CYP2A13: variants seen among roughly 807,000 people sequenced by gnomAD.
CYP2A13 encodes the protein cytochrome P450 2A13.
CYP2A13 carries 30 observed loss-of-function variants against 39.4 expected under a neutral mutation model. That is an observed-to-expected ratio of 0.76 (90% CI 0.57 to 1.03). The LOEUF (loss-of-function observed/expected upper bound fraction) is 1.03, where lower values mean the gene tolerates loss of function less well. Ranked by LOEUF, CYP2A13 falls within the 50% of genes least tolerant of loss-of-function variation. The probability of loss-of-function intolerance (pLI) is 0.00; values close to 1 mark genes in which losing one functional copy is unlikely to be tolerated. For missense variants in CYP2A13, 731 were observed against 648.4 expected (o/e 1.13, Z -1.38); for synonymous variants, 269 against 254.7 (o/e 1.06, Z -0.54).
chr19:41,094,876 C>A (rs1568368266), intron 7 of CYP2A13, 83 bp from the exon 8 acceptor site: 3 of 1,541,172 alleles, frequency 1.9e-6, no homozygotes, highest in South Asian at 2.4e-5. Context: ...CCTGGGGCAC[C>A]CTAGTTCCCC....
At chr19:41,095,503 G>A (rs2031284647) in intron 8 of CYP2A13, among the ~76,000 whole-genome samples, 1 of 152,132 alleles carries the variant, frequency 6.6e-6, no homozygotes, top group Non-Finnish European at 1.5e-5. Flanking sequence ...AAAACCCATA[G>A]AACTGTATAA....
At chr19:41,088,775 T>A in intron 1 of CYP2A13, 124 bp downstream of exon 1, 1 of 1,534,800 alleles carries the variant, frequency 6.5e-7, no homozygotes, top group Non-Finnish European at 8.8e-7. Flanking sequence ...AGTTTCAGCA[T>A]CAGGGTCCTA....
Position 41,088,589 on chromosome 19 carries a change from T to C in CYP2A13, c.118T>C (p.Leu40=), listed in dbSNP as rs111464580. 2 of 1,613,832 alleles carry C rather than the reference T, an allele frequency of 1.2e-6. No individual in the cohort carries two copies. Among genetic ancestry groups the C allele is most frequent in the African/African-American group, 1.3e-5 (1 of 74,898 alleles). Residue 40 remains leucine, a synonymous_variant, in exon 1 of 9, where the codon TTG becomes CTG. Transcript: ENST00000330436. ...GAAGCTGCCTCCGGGACCCACCCCA[T>C]TGCCCTTCATTGGAAACTACCTGCA... ...RGKLPPGPTP[L]PFIGNYLQLN... is the part of the protein sequence containing the mutation.
rs2031167151 is a variant in CYP2A13, at chr19:41,090,542, T to C, written c.632T>C (p.Phe211Ser). The C allele has an allele frequency of 6.2e-7, 1 of 1,613,972 alleles. No individual in the cohort carries two copies. The highest frequency in any genetic ancestry group is 1.3e-5 in the African/African-American group (1 of 74,898). ...CGCATGATGCTGGGAAGCTTCCAGTTCACGGCAACCTCCACGGGGCAGGTA... is the reference window on the plus strand; with the variant it reads ...CGCATGATGCTGGGAAGCTTCCAGTCCACGGCAACCTCCACGGGGCAGGTA... ...LLRMMLGSFQ[F>S]TATSTGQLYE... Residue 211 changes from phenylalanine to serine, a missense_variant, in exon 4 of 9, where the codon TTC becomes TCC. Transcript: ENST00000330436.
In CYP2A13 at chr19:41,090,450, T is replaced by G. The variant is rs2031163697; in HGVS notation, c.540T>G (p.Asn180Lys). The change falls in exon 4 of 9, where the codon AAT becomes AAG. Residue 180 changes from asparagine (N) to lysine (K), a missense_variant. Transcript: ENST00000330436. ...PTFFLSRTVS[N>K]VISSIVFGDR... ...TCTTCCTGAGCCGCACAGTCTCCAA[T>G]GTCATCAGCTCCATTGTCTTTGGGG... The G allele has an allele frequency of 6.2e-7, 1 of 1,614,032 alleles. No individual in the cohort carries two copies. Among genetic ancestry groups the G allele is most frequent in the African/African-American group, 1.3e-5 (1 of 74,914 alleles).
At chr19:41,094,187 A>G (rs549721420) in intron 6 of CYP2A13, 58 bp from the exon 7 acceptor site, 9 of 1,592,984 alleles carry the variant, frequency 5.6e-6, no homozygotes, top group Non-Finnish European at 7.7e-6. Context: ...ACCTATTCGG[A>G]CTATCATCCC....
chr19:41,092,421 G>A (rs545091111), intron 5 of CYP2A13, among the ~76,000 whole-genome samples: 1 of 150,604 alleles, frequency 6.6e-6, no homozygotes, highest in Non-Finnish European at 1.5e-5. Context: ...TTATGCACGT[G>A]CATTAGAATA....
rs374200152 is a variant in CYP2A13 at position 41,095,952 on chromosome 19, T to C, written c.*11T>C. 2.2e-6 allele frequency: 3 copies of C among 1,384,810 alleles called. No homozygotes were observed. The highest frequency in any genetic ancestry group is 9.6e-7 in the Non-Finnish European group (1 of 1,040,412). The allele number at this position is 1,384,810 out of a possible 1,614,324, so 85.8% of individuals were successfully genotyped here. A position where few individuals can be genotyped will look rare whatever the true frequency, so the allele number is the denominator to read the frequency against. On this transcript the variant is annotated 3_prime_UTR_variant, in exon 9 of 9. Coordinates refer to ENST00000330436, the MANE Select transcript of CYP2A13 (RefSeq NM_000766.5). ...TTCCTGCCCCGCTGAGCGAGGGCTG[T>C]GCTGGTGCAGGGCTGGTGGGCGGGG... is the stretch of plus-strand genomic sequence containing the variant.
chr19:41,095,538 TA>T (rs2031285104), intron 8 of CYP2A13, among the ~76,000 whole-genome samples: 1 of 152,146 alleles, frequency 6.6e-6, no homozygotes, highest in East Asian at 1.9e-4. Flanking sequence ...TAATGTAAAC[TA>T]TGGACTTTGG....
intron 4 of CYP2A13, among the ~76,000 whole-genome samples, chr19:41,091,411 C>G (rs1179676988): frequency 2.6e-5 from 4 of 152,200 alleles, no homozygotes; most frequent in Non-Finnish European, 4.4e-5. Context: ...AGCTAAACAC[C>G]TGGACAGGTG....
At position 41,089,314 on chromosome 19, in the gene CYP2A13, C is replaced by T. The variant is rs533982729; in HGVS notation, c.343+223C>T. ...CCTGCCTCTCTCTGCCCCGTCTCCT[C>T]CTTCTCTCTCACTGGAGTCTCCTCT... On this transcript the variant is annotated intron_variant, in intron 2 of 8. Coordinates refer to ENST00000330436, the MANE Select transcript of CYP2A13 (RefSeq NM_000766.5). 7.5e-3 allele frequency among the ~76,000 whole-genome samples: 1,138 copies of T among 152,170 alleles called. 7 individuals carry two copies. The highest frequency in any genetic ancestry group is 0.016 in the Admixed American group (237 of 15,274).
At position 41,093,703 on chromosome 19, in the gene CYP2A13, G is replaced by A. The variant is rs201712585; in HGVS notation, c.905G>A (p.Gly302Asp). ...ACCACCCTGAACCTCTTCTTTGCGG[G>A]CACTGAGACCGTGAGCACCACCCTG... ...VMTTLNLFFA[G>D]TETVSTTLRY... is the part of the protein sequence containing the mutation. Residue 302 changes from glycine to aspartate, a missense_variant, in exon 6 of 9, where the codon GGC becomes GAC. By Grantham distance (94) the Gly-to-Asp change is moderately conservative. Transcript: ENST00000330436. 1.4e-4 allele frequency: 231 copies of A among 1,614,096 alleles called. 1 individual carries two copies. In the South Asian group the frequency reaches 2.4e-3, roughly 16 times the overall value.
chr19:41,090,913 G>A (rs2031175242), intron 4 of CYP2A13, among the ~76,000 whole-genome samples: 1 of 152,126 alleles, frequency 6.6e-6, no homozygotes, highest in Non-Finnish European at 1.5e-5. Context: ...TTAACACCTG[G>A]ACAAGTGACT....
intron 5 of CYP2A13, among the ~76,000 whole-genome samples, chr19:41,092,197 T>C (rs1024355617): frequency 4.0e-5 from 6 of 151,134 alleles, no homozygotes; most frequent in Admixed American, 4.0e-4. Flanking sequence ...GCGCCTGTAA[T>C]CCCAGCTACT....
chr19:41,095,372 G>A (rs1420446969), intron 8 of CYP2A13, among the ~76,000 whole-genome samples: 2 of 152,082 alleles, frequency 1.3e-5, no homozygotes, highest in East Asian at 1.9e-4. Flanking sequence ...GGAGATAATG[G>A]CACAGCACAG....
In CYP2A13 at chr19:41,096,150, A is replaced by G. The variant is rs1161337204; in HGVS notation, c.*209A>G. ...GTGATGAGAGGAAGGGAAACCTTAC[A>G]GTATGCTACAAAGAGTAGTAATAAT... On this transcript the variant is annotated 3_prime_UTR_variant, in exon 9 of 9. Transcript: ENST00000330436. 4.1e-5 allele frequency: 29 copies of G among 699,836 alleles called. No individual in the cohort carries two copies. Among genetic ancestry groups the G allele is most frequent in the South Asian group, 3.1e-4 (16 of 52,264 alleles). The allele number at this position is 699,836 out of a possible 1,614,324, so 43.4% of individuals were successfully genotyped here.
rs761528278 is a variant in CYP2A13, at chr19:41,094,263, T to C, written c.992T>C (p.Ile331Thr). 13 of 1,613,904 alleles carry C rather than the reference T, an allele frequency of 8.1e-6. No individual in the cohort carries two copies. The highest frequency in any genetic ancestry group is 4.5e-5 in the East Asian group (2 of 44,876). Residue 331 changes from isoleucine (I) to threonine (T), a missense_variant, in exon 7 of 9, where the codon ATT (isoleucine) becomes ACT (threonine). Coordinates refer to ENST00000330436, the MANE Select transcript of CYP2A13 (RefSeq NM_000766.5). ...PEVEAKVHEE[I>T]DRVIGKNRQP... ...CCCCCAGCCAAGGTCCATGAGGAGA[T>C]TGACAGAGTGATCGGCAAGAACCGG...
At chr19:41,088,874 G>C (rs1462707175) in intron 1 of CYP2A13, 55 bp from the exon 2 acceptor site, 3 of 1,605,982 alleles carry the variant, frequency 1.9e-6, no homozygotes, top group Admixed American at 1.7e-5. Flanking sequence ...CTCAGTGCTG[G>C]GCCCATTCAG....
chr19:41,092,052 T>A, intron 5 of CYP2A13, 144 bp downstream of exon 5: 1 of 1,304,098 alleles, frequency 7.7e-7, no homozygotes, highest in South Asian at 1.5e-5. Flanking sequence ...CGGTGGCTCA[T>A]GACCTGTAAT....
Sources: gnomAD v4.1 joint callset for allele counts (sites outside exome capture counted in the v4.1 genomes callset) on GRCh38, gnomAD v4.1.1 for gene constraint, MANE v1.5 for transcripts, NCBI Gene and HGNC (gene_info 2026-07-23, HGNC 2026-07-21) for gene names.